CHMP1A: variants seen among roughly 807,000 people sequenced by gnomAD.
CHMP1A encodes the protein charged multivesicular body protein 1A.
A neutral mutation model predicts 27.0 loss-of-function variants in CHMP1A; 17 were observed. The ratio of observed to expected loss-of-function variants is 0.63; its 90% CI spans 0.43 to 0.95. CHMP1A has a LOEUF of 0.95. Ranked by LOEUF, CHMP1A falls within the 40% of genes least tolerant of loss-of-function variation. The probability of loss-of-function intolerance (pLI) is 0.00; values close to 1 mark genes in which losing one functional copy is unlikely to be tolerated. For synonymous variants in CHMP1A, 131 were observed against 107.5 expected (o/e 1.22, Z -1.35); for missense variants, 275 against 264.0 (o/e 1.04, Z -0.29).
chr16:89,646,203 C>T (rs2059771983), intron 6 of CHMP1A, 116 bp from the exon 7 acceptor site: 1 of 977,310 alleles, frequency 1.0e-6, no homozygotes, highest in East Asian at 2.6e-5. Context: ...ACATGAGTGA[C>T]AGGCCTTGGA....
rs771909969 is a variant in CHMP1A, at chr16:89,646,582, C to T, written c.514G>A (p.Ala172Thr). Residue 172 changes from alanine to threonine, a missense_variant, in exon 6 of 7, where the codon GCC becomes ACC. Coordinates refer to ENST00000397901, the MANE Select transcript of CHMP1A (RefSeq NM_002768.5). Reference sequence around the variant, plus strand: ...ACAGAGCTCTCGCCCACGGCAGAGGCGCCCTCGGGCAGCTGGCTGAGCTGG... The same window carrying T: ...ACAGAGCTCTCGCCCACGGCAGAGGTGCCCTCGGGCAGCTGGCTGAGCTGG... ...LDQLSQLPEGASAVGESSVRS... is the reference protein window; with the variant it reads ...LDQLSQLPEGTSAVGESSVRS... 34 of 1,597,642 alleles carry T rather than the reference C, an allele frequency of 2.1e-5. No individual in the cohort carries two copies. Among genetic ancestry groups the T allele is most frequent in the Middle Eastern group, 1.7e-4 (1 of 6,056 alleles).
chr16:89,656,617 T>C (rs1289228401), intron 1 of CHMP1A, among the ~76,000 whole-genome samples: 3 of 152,248 alleles, frequency 2.0e-5, no homozygotes, highest in Non-Finnish European at 2.9e-5. Flanking sequence ...ACGCTTGTGC[T>C]GGCTCCTGCT....
Position 89,645,953 on chromosome 16 carries a change from G to A in CHMP1A, c.*113C>T, listed in dbSNP as rs1457787308. Reference sequence around the variant, plus strand: ...GCCTGGCAGGTGAGAGACGCAGAGTGGCTGCCGGCCGCAGCCCCGCGGGGT... The same window carrying A: ...GCCTGGCAGGTGAGAGACGCAGAGTAGCTGCCGGCCGCAGCCCCGCGGGGT... On this transcript the variant is annotated 3_prime_UTR_variant, in exon 7 of 7. Coordinates refer to ENST00000397901, the MANE Select transcript of CHMP1A (RefSeq NM_002768.5). 2 of 1,611,052 alleles carry A rather than the reference G, an allele frequency of 1.2e-6. No individual in the cohort carries two copies. The highest frequency in any genetic ancestry group is 1.7e-6 in the Non-Finnish European group (2 of 1,179,130).
chr16:89,656,890 G>C (rs1002373265), intron 1 of CHMP1A, among the ~76,000 whole-genome samples: 4 of 152,166 alleles, frequency 2.6e-5, no homozygotes, highest in Non-Finnish European at 5.9e-5. Flanking sequence ...CGGGGGAAAG[G>C]GTCCTGGGTC....
At chr16:89,647,370 G>A (rs894906096) in intron 4 of CHMP1A, 39 bp from the exon 5 acceptor site, 4 of 1,580,576 alleles carry the variant, frequency 2.5e-6, no homozygotes, top group East Asian at 2.3e-5. Context: ...CAGGATGAAA[G>A]GCAAGTGGAG....
In CHMP1A at chr16:89,651,601, CCTT is replaced by C. The variant is rs749669179; in HGVS notation, c.70_72del (p.Lys24del). ...ACTTTGGCCTGCTCCGCCTTGGAGT[CCTT>C]CTCCGCCTTCTTGGCCAGCTTCTCC... is the stretch of plus-strand genomic sequence containing the variant. On this transcript the variant is annotated inframe_deletion, in exon 3 of 7. Transcript: ENST00000397901. 6.2e-7 allele frequency: 1 copy of C among 1,613,648 alleles called. No individual in the cohort carries two copies. Among genetic ancestry groups the C allele is most frequent in the Non-Finnish European group, 8.5e-7 (1 of 1,179,850 alleles).
At chr16:89,650,247 C>G (rs558805402) in intron 3 of CHMP1A, among the ~76,000 whole-genome samples, 1 of 151,680 alleles carries the variant, frequency 6.6e-6, no homozygotes, top group Non-Finnish European at 1.5e-5. Flanking sequence ...AGTGTGATCT[C>G]GGCTCACTGC....
chr16:89,649,205 C>A lies in CHMP1A; in HGVS notation c.252+146G>T, dbSNP rs1395890894. ...GATCCAGCCCTCAACCTCCCCACCC[C>A]ACGCTGATCCAGCTTCCCTCAACCT... On this transcript the variant is annotated intron_variant, in intron 4 of 6. Coordinates refer to ENST00000397901, the MANE Select transcript of CHMP1A (RefSeq NM_002768.5). 9 of 750,732 alleles carry A rather than the reference C, an allele frequency of 1.2e-5. No individual in the cohort carries two copies. The South Asian group carries it at 1.9e-4, about 16-fold the overall frequency. The allele number at this position is 750,732 out of a possible 1,614,324, so 46.5% of individuals were successfully genotyped here. A position where few individuals can be genotyped will look rare whatever the true frequency, so the allele number is the denominator to read the frequency against.
intron 1 of CHMP1A, among the ~76,000 whole-genome samples, chr16:89,656,757 C>A (rs769509089): frequency 2.0e-5 from 3 of 152,202 alleles, no homozygotes; most frequent in African/African-American, 4.8e-5. Flanking sequence ...GGGGGTGCAA[C>A]TGTCACTTTT....
At chr16:89,656,573 A>C (rs1360940887) in intron 1 of CHMP1A, among the ~76,000 whole-genome samples, 2 of 152,212 alleles carry the variant, frequency 1.3e-5, no homozygotes, top group African/African-American at 4.8e-5. Flanking sequence ...CAGATGTAGA[A>C]GGTAAGAATT....
rs1032512387 is a variant in CHMP1A at position 89,657,621 on chromosome 16, G to T, written c.-33C>A. 6.2e-7 allele frequency: 1 copy of T among 1,609,904 alleles called. No individual in the cohort carries two copies. Among genetic ancestry groups the T allele is most frequent in the African/African-American group, 1.3e-5 (1 of 74,446 alleles). On this transcript the variant is annotated 5_prime_UTR_variant, in exon 1 of 7. Transcript: ENST00000397901. ...ATGACAGGAGCAGCACTCGGAGAGG[G>T]AGAAGGGACGCCAACTCCGGGCGGT...
At chr16:89,646,430 C>G in intron 6 of CHMP1A, 97 bp downstream of exon 6, 6 of 1,323,574 alleles carry the variant, frequency 4.5e-6, no homozygotes, top group Non-Finnish European at 6.2e-6. Context: ...AGCCTCAGCC[C>G]AAGCTCTCCT....
Position 89,647,227 on chromosome 16 carries a change from C to T in CHMP1A, c.357G>A (p.Val119=), listed in dbSNP as rs1371491329. ...CCGATGTATGGACGTCCAGGTTCTG[C>T]ACCTGCTGCTCGAACCTGTCCATCA... ...SSVMDRFEQQ[V]QNLDVHTSVM... Residue 119 remains valine, a synonymous_variant, in exon 5 of 7, where the codon GTG becomes GTA. Transcript: ENST00000397901. The T allele has an allele frequency of 1.9e-6, 3 of 1,609,056 alleles. No individual in the cohort carries two copies. Among genetic ancestry groups the T allele is most frequent in the South Asian group, 2.2e-5 (2 of 89,978 alleles).
intron 1 of CHMP1A, among the ~76,000 whole-genome samples, chr16:89,654,501 T>C (rs11647958): frequency 6.6e-5 from 10 of 151,878 alleles, no homozygotes; most frequent in African/African-American, 2.4e-4. Context: ...TGGTAACTCT[T>C]AGACATCAAA....
At chr16:89,657,159 T>G (rs1199383734) in intron 1 of CHMP1A, among the ~76,000 whole-genome samples, 54 of 52,642 alleles carry the variant, frequency 1.0e-3, no homozygotes, top group South Asian at 3.7e-3. Context: ...TCCCGGTCGG[T>G]GGTCGGGGGT....
At chr16:89,647,355 G>C in intron 4 of CHMP1A, 24 bp from the exon 5 acceptor site, 2 of 1,597,694 alleles carry the variant, frequency 1.3e-6, no homozygotes, top group East Asian at 2.3e-5. Context: ...GAGCGCAGGA[G>C]GGAACAGGAT....
chr16:89,657,455 G>T, intron 1 of CHMP1A, 127 bp downstream of exon 1: 1 of 1,185,956 alleles, frequency 8.4e-7, no homozygotes, highest in Non-Finnish European at 1.2e-6. Flanking sequence ...GGTCCCGGGG[G>T]ATCGACGGTC....
chr16:89,656,047 G>A (rs1262181673), intron 1 of CHMP1A, among the ~76,000 whole-genome samples: 3 of 152,062 alleles, frequency 2.0e-5, no homozygotes, highest in Admixed American at 1.3e-4. Flanking sequence ...GGAGGTAGAT[G>A]TTATCTTTCA....
intron 5 of CHMP1A, 34 bp from the exon 6 acceptor site, chr16:89,646,748 G>A (rs750059000): frequency 6.3e-7 from 1 of 1,595,492 alleles, no homozygotes; most frequent in African/African-American, 1.3e-5. Flanking sequence ...ACAACAGGTG[G>A]GGCCAGGCCC....
Sources: allele counts gnomAD v4.1 joint callset (sites outside exome capture counted in the v4.1 genomes callset), GRCh38; gene constraint gnomAD v4.1.1; transcripts MANE v1.5; gene names NCBI Gene and HGNC (gene_info 2026-07-23, HGNC 2026-07-21).